KLF12: variants seen among roughly 807,000 people sequenced by gnomAD.
KLF12 encodes the protein Krueppel-like factor 12.
KLF12 carries 9 observed loss-of-function variants against 37.8 expected under a neutral mutation model. The observed-to-expected ratio is 0.24, with a 90% CI of 0.14 to 0.42. KLF12 has a LOEUF of 0.42. KLF12 is among the 10% of genes least tolerant of loss of function. The pLI is 1.00. For synonymous variants in KLF12, 208 were observed against 202.1 expected (o/e 1.03, Z -0.25); for missense variants, 411 against 516.0 (o/e 0.80, Z 1.97).
intron 3 of KLF12, among the ~76,000 whole-genome samples, chr13:73,927,030 T>C (rs953810481): frequency 1.3e-5 from 2 of 150,834 alleles, no homozygotes; most frequent in African/African-American, 2.4e-5. Context: ...GCATAAAAAA[T>C]GTGAAAGGGT....
At chr13:74,002,605 C>T (rs1892308643) in intron 1 of KLF12, among the ~76,000 whole-genome samples, 1 of 147,688 alleles carries the variant, frequency 6.8e-6, no homozygotes, top group South Asian at 2.4e-4. Flanking sequence ...CAGGCTCAAG[C>T]AACATTCTTG....
intron 3 of KLF12, among the ~76,000 whole-genome samples, chr13:73,931,563 A>G (rs762627622): frequency 3.3e-5 from 5 of 152,190 alleles, no homozygotes; most frequent in African/African-American, 9.6e-5. Flanking sequence ...ATGGAAAGAC[A>G]TAACTGTCTC....
chr13:74,124,231 C>A (rs1176830782), intron 1 of KLF12, among the ~76,000 whole-genome samples: 1 of 152,142 alleles, frequency 6.6e-6, no homozygotes, highest in Non-Finnish European at 1.5e-5. Context: ...TACTTGTATT[C>A]ATATCTAAAG....
intron 6 of KLF12, among the ~76,000 whole-genome samples, chr13:73,716,747 CT>C (rs111769612): frequency 2.6e-5 from 4 of 151,924 alleles, no homozygotes; most frequent in African/African-American, 2.4e-5. Flanking sequence ...TGTTTTATTC[CT>C]TTTTTTAATT....
chr13:73,938,103 C>A (rs1890029593), intron 3 of KLF12, among the ~76,000 whole-genome samples: 1 of 152,152 alleles, frequency 6.6e-6, no homozygotes, highest in African/African-American at 2.4e-5. Context: ...AACGCTGGCC[C>A]CTGTTCCACA....
At chr13:73,852,803 G>T (rs1396949678) in intron 3 of KLF12, among the ~76,000 whole-genome samples, 1 of 151,006 alleles carries the variant, frequency 6.6e-6, no homozygotes, top group Non-Finnish European at 1.5e-5. Context: ...AAACAGAAAT[G>T]ATTGATTCCT....
chr13:74,190,074 T>C, the KLF12 span, among the ~76,000 whole-genome samples: 1 of 152,220 alleles, frequency 6.6e-6, no homozygotes, highest in Non-Finnish European at 1.5e-5. Context: ...TCAATTCACA[T>C]GCTTGAGAGT....
At chr13:74,003,020 A>C (rs60798860) in intron 1 of KLF12, among the ~76,000 whole-genome samples, 12,030 of 152,266 alleles carry the variant, frequency 0.079, 745 homozygotes, top group African/African-American at 0.17. Flanking sequence ...GTACTTTTAC[A>C]TATATTATTT....
rs141427541 is a variant in KLF12, at chr13:73,740,777, G to A, written c.869+24161C>T. ...TTCCGACACCCTCTAGGAGTCCTGC[G>A]GGGAAAGCATTTTGTGCTCTAACAT... On this transcript the variant is annotated intron_variant, in intron 6 of 7. Transcript: ENST00000377669. 1.1e-4 allele frequency among the ~76,000 whole-genome samples: 16 copies of A among 152,246 alleles called. No homozygotes were observed. The East Asian group carries it at 2.9e-3, about 28-fold the overall frequency.
Position 74,016,111 on chromosome 13 carries a change from A to G in KLF12, c.-31-21058T>C, listed in dbSNP as rs73529163. Among the ~76,000 whole-genome samples, 833 of 152,328 alleles carry G rather than the reference A, an allele frequency of 5.5e-3. 13 individuals are homozygous for G. Among genetic ancestry groups the G allele is most frequent in the African/African-American group, 0.019 (795 of 41,572 alleles). On this transcript the variant is annotated intron_variant, in intron 1 of 7. Coordinates refer to ENST00000377669, the MANE Select transcript of KLF12 (RefSeq NM_007249.5). ...AGGCTTTGGTTCAATTTCTAAAATG[A>G]ACCAAAAGGAAAATGACAGATAAGC...
intron 6 of KLF12, among the ~76,000 whole-genome samples, chr13:73,761,132 C>G (rs529236497): frequency 7.3e-6 from 1 of 137,136 alleles, no homozygotes; most frequent in African/African-American, 2.8e-5. Context: ...TTAAAAAGAT[C>G]TGCCAAGAAT....
chr13:73,946,045 T>C (rs1890408969), intron 2 of KLF12, among the ~76,000 whole-genome samples: 2 of 152,136 alleles, frequency 1.3e-5, no homozygotes, highest in South Asian at 4.2e-4. Flanking sequence ...CAGGAAAGCC[T>C]TCCTGCAGCC....
intron 2 of KLF12, among the ~76,000 whole-genome samples, chr13:73,986,001 T>A (rs955934698): frequency 1.3e-5 from 2 of 152,216 alleles, no homozygotes; most frequent in Non-Finnish European, 2.9e-5. Context: ...ATACAGGATG[T>A]CTTAGTAAGT....
At chr13:73,946,796 A>G (rs1161375595) in intron 2 of KLF12, among the ~76,000 whole-genome samples, 1 of 152,216 alleles carries the variant, frequency 6.6e-6, no homozygotes, top group Admixed American at 6.5e-5. Context: ...TGTGAAGCAT[A>G]TTCAACTCTG....
At chr13:73,799,180 CT>C (rs1259217577) in intron 5 of KLF12, among the ~76,000 whole-genome samples, 1 of 152,160 alleles carries the variant, frequency 6.6e-6, no homozygotes, top group East Asian at 1.9e-4. Flanking sequence ...AATAATGCAT[CT>C]TCTCACTTAC....
chr13:74,277,889 C>T, the KLF12 span, among the ~76,000 whole-genome samples: 1 of 152,294 alleles, frequency 6.6e-6, no homozygotes, highest in African/African-American at 2.4e-5. Context: ...GAGTAGTTGG[C>T]TTCTTCTACT....
intron 7 of KLF12, among the ~76,000 whole-genome samples, chr13:73,699,403 T>C (rs980922266): frequency 1.3e-5 from 2 of 151,784 alleles, no homozygotes; most frequent in African/African-American, 4.8e-5. Flanking sequence ...TAAAAATAAA[T>C]AATTTTTAAA....
chr13:73,860,162 T>A (rs1885843222), intron 3 of KLF12, among the ~76,000 whole-genome samples: 1 of 152,178 alleles, frequency 6.6e-6, no homozygotes, highest in African/African-American at 2.4e-5. Context: ...ATGATGTTGA[T>A]CATGCTTTTG....
intron 2 of KLF12, among the ~76,000 whole-genome samples, chr13:73,984,652 C>T (rs1891776519): frequency 6.6e-6 from 1 of 152,228 alleles, no homozygotes; most frequent in Non-Finnish European, 1.5e-5. Flanking sequence ...ATGTGCTTAA[C>T]TAGTTCCTAC....
Sources: allele counts gnomAD v4.1 joint callset (sites outside exome capture counted in the v4.1 genomes callset), GRCh38; gene constraint gnomAD v4.1.1; transcripts MANE v1.5; gene names NCBI Gene and HGNC (gene_info 2026-07-23, HGNC 2026-07-21).